Variants in UST observed in about 807,000 individuals in gnomAD.
UST encodes the protein uronyl 2-sulfotransferase.
In UST, 21 loss-of-function variants were observed where a neutral mutation model predicts 45.6. That is an observed-to-expected ratio of 0.46 (90% CI 0.33 to 0.66). The LOEUF is 0.66. Ranked by LOEUF, UST falls within the 30% of genes least tolerant of loss-of-function variation. UST has a pLI of 0.02. For missense variants in UST, 463 were observed against 512.4 expected (o/e 0.90, Z 0.93); for synonymous variants, 215 against 200.6 (o/e 1.07, Z -0.61).
At chr6:149,012,241 C>T (rs1007934469) in intron 5 of UST, among the ~76,000 whole-genome samples, 12 of 152,322 alleles carry the variant, frequency 7.9e-5, no homozygotes, top group African/African-American at 2.9e-4. Context: ...ATCTGGCCAT[C>T]TGCCACTTTC....
At chr6:148,939,293 A>G (rs901712857) in intron 2 of UST, among the ~76,000 whole-genome samples, 1 of 152,128 alleles carries the variant, frequency 6.6e-6, no homozygotes, top group Admixed American at 6.5e-5. Flanking sequence ...TACAGATTCA[A>G]TGCAGTCCTT....
chr6:148,867,643 T>A (rs1778470496), intron 1 of UST, among the ~76,000 whole-genome samples: 1 of 152,084 alleles, frequency 6.6e-6, no homozygotes, highest in African/African-American at 2.4e-5. Context: ...GAAACCCCTT[T>A]CGCTTGGCTC....
In UST at chr6:148,747,140, G is replaced by GGCGGGGC. The variant is rs1775874382; in HGVS notation, c.-282_-276dup. Among the ~76,000 whole-genome samples, 1 of 149,824 alleles carries GGCGGGGC rather than the reference G, an allele frequency of 6.7e-6. No individual in the cohort carries two copies. Among genetic ancestry groups the GGCGGGGC allele is most frequent in the Non-Finnish European group, 1.5e-5 (1 of 67,080 alleles). On this transcript the variant is annotated 5_prime_UTR_variant, in exon 1 of 8. Coordinates refer to ENST00000367463, the MANE Select transcript of UST (RefSeq NM_005715.3). ...GCGGCCGCAAGCGAGCCCGAGGCGC[G>GGCGGGGC]GCGGGGCGCGGGGCGTGGGGACGCT...
chr6:148,844,923 TG>T (rs1471216061), intron 1 of UST, among the ~76,000 whole-genome samples: 5 of 152,194 alleles, frequency 3.3e-5, no homozygotes, highest in Non-Finnish European at 7.4e-5. Context: ...CTTGGCATTA[TG>T]GTCTCCAGCT....
rs6904874 is a variant in UST, at chr6:148,770,993, G to C, written c.247+23316G>C. ...CAAGACAAACAACTTTTATCCTGCA[G>C]GTATTGATTTAGTAGAACAGAGTGA... On this transcript the variant is annotated intron_variant, in intron 1 of 7. Transcript: ENST00000367463. Among the ~76,000 whole-genome samples the C allele has an allele frequency of 2.6e-3, 399 of 152,192 alleles. 4 individuals are homozygous for C. Among genetic ancestry groups the C allele is most frequent in the African/African-American group, 9.1e-3 (376 of 41,526 alleles).
intron 1 of UST, among the ~76,000 whole-genome samples, chr6:148,857,668 C>T (rs528018118): frequency 6.6e-6 from 1 of 151,246 alleles, no homozygotes. Context: ...TGCTCTTACC[C>T]CTTATGAAAT....
chr6:148,969,110 C>T (rs753553470), intron 5 of UST, among the ~76,000 whole-genome samples: 37 of 152,182 alleles, frequency 2.4e-4, no homozygotes, highest in Admixed American at 1.1e-3. Flanking sequence ...GTTTTGGACT[C>T]TGAATGTCCT....
At chr6:148,789,057 G>A (rs1012211874) in intron 1 of UST, among the ~76,000 whole-genome samples, 27 of 152,210 alleles carry the variant, frequency 1.8e-4, no homozygotes, top group African/African-American at 5.8e-4. Context: ...TGGCAATAAC[G>A]TTTAAATGCT....
At chr6:148,793,517 C>T (rs763778009) in intron 1 of UST, among the ~76,000 whole-genome samples, 6 of 152,132 alleles carry the variant, frequency 3.9e-5, no homozygotes, top group Non-Finnish European at 7.3e-5. Flanking sequence ...TGTTGCTTAA[C>T]GATGGGAACA....
chr6:148,791,167 C>G (rs1046949761), intron 1 of UST, among the ~76,000 whole-genome samples: 1 of 152,172 alleles, frequency 6.6e-6, no homozygotes, highest in Non-Finnish European at 1.5e-5. Flanking sequence ...GAGATTATTA[C>G]TGGCATCTAG....
Position 149,076,870 on chromosome 6 carries a change from G to T in UST, c.*2754G>T, listed in dbSNP as rs1776896189. 1 of 150,124 alleles carries T rather than the reference G, an allele frequency of 6.7e-6. No individual in the cohort carries two copies. Among genetic ancestry groups the T allele is most frequent in the Admixed American group, 6.6e-5 (1 of 15,050 alleles). The allele number at this position is 150,124 out of a possible 1,614,324, so 9.3% of individuals were successfully genotyped here. Reference sequence around the variant, plus strand: ...TTTCTTGAGTGCCGTAAAAGTGCTTGTAAATCTTTTTTTTTTTTTAAGAAG... The same window carrying T: ...TTTCTTGAGTGCCGTAAAAGTGCTTTTAAATCTTTTTTTTTTTTTAAGAAG... On this transcript the variant is annotated 3_prime_UTR_variant, in exon 8 of 8. Transcript: ENST00000367463.
chr6:149,067,782 C>T (rs1227598566), intron 7 of UST, among the ~76,000 whole-genome samples: 5 of 152,236 alleles, frequency 3.3e-5, no homozygotes, highest in African/African-American at 7.2e-5. Flanking sequence ...GTCATAGAGT[C>T]GATGGAGTGC....
At chr6:148,780,071 ATG>A (rs1212121009) in intron 1 of UST, among the ~76,000 whole-genome samples, 1 of 104,628 alleles carries the variant, frequency 9.6e-6, no homozygotes, top group Non-Finnish European at 2.0e-5. Context: ...ATACAAATAC[ATG>A]TGTGTGTATA....
intron 1 of UST, among the ~76,000 whole-genome samples, chr6:148,780,354 A>C (rs1234651934): frequency 6.6e-6 from 1 of 151,772 alleles, no homozygotes; most frequent in Non-Finnish European, 1.5e-5. Flanking sequence ...GTGTCATGGG[A>C]GTTTGTTGTA....
At chr6:148,786,392 C>T (rs559683232) in intron 1 of UST, among the ~76,000 whole-genome samples, 2 of 152,100 alleles carry the variant, frequency 1.3e-5, no homozygotes, top group African/African-American at 4.8e-5. Context: ...TCTTCCCACC[C>T]CCTGCCCTCG....
At chr6:149,002,592 C>T (rs930866852) in intron 5 of UST, among the ~76,000 whole-genome samples, 5 of 152,114 alleles carry the variant, frequency 3.3e-5, no homozygotes, top group Non-Finnish European at 5.9e-5. Flanking sequence ...CTGCAACCTC[C>T]GCCTCCCGGG....
intron 7 of UST, among the ~76,000 whole-genome samples, chr6:149,033,304 A>G (rs1396263648): frequency 6.6e-6 from 1 of 152,216 alleles, no homozygotes. Context: ...GCGAAGTACA[A>G]TCCTTACCCA....
At chr6:149,037,560 C>G (rs1224075719) in intron 7 of UST, among the ~76,000 whole-genome samples, 1 of 152,188 alleles carries the variant, frequency 6.6e-6, no homozygotes, top group Non-Finnish European at 1.5e-5. Context: ...GAAGAGTGTT[C>G]TTGCCTGGGA....
At position 148,747,056 on chromosome 6, in the gene UST, C is replaced by T. The variant is rs1775871628; in HGVS notation, c.-375C>T. On this transcript the variant is annotated 5_prime_UTR_variant, in exon 1 of 8. It adds an upstream start codon to the 5' untranslated region. Coordinates refer to ENST00000367463, the MANE Select transcript of UST (RefSeq NM_005715.3). Reference sequence around the variant, plus strand: ...GAGAAGCCTGAACCGGGACAAAACACGCCGAGACCTACAGACACAAAGCCG... The same window carrying T: ...GAGAAGCCTGAACCGGGACAAAACATGCCGAGACCTACAGACACAAAGCCG... Among the ~76,000 whole-genome samples the T allele has an allele frequency of 6.6e-6, 1 of 151,732 alleles. No individual in the cohort carries two copies. The highest frequency in any genetic ancestry group is 6.5e-5 in the Admixed American group (1 of 15,272).
Sources: gnomAD v4.1 joint callset for allele counts (sites outside exome capture counted in the v4.1 genomes callset) on GRCh38, gnomAD v4.1.1 for gene constraint, MANE v1.5 for transcripts, NCBI Gene and HGNC (gene_info 2026-07-23, HGNC 2026-07-21) for gene names.